Variants in HTN3 observed in about 807,000 individuals in gnomAD.
The protein encoded by HTN3 is histatin 3, also known as histatin-3.
A neutral mutation model predicts 10.6 loss-of-function variants in HTN3; 15 were observed. The observed-to-expected ratio is 1.42, with a 90% confidence interval of 0.95 to 2.18. HTN3 has a LOEUF of 2.18. HTN3 is among the 30% of genes most tolerant of loss of function. The probability of loss-of-function intolerance (pLI) is 0.00; values close to 1 mark genes in which losing one functional copy is unlikely to be tolerated. For synonymous variants in HTN3, 15 were observed against 16.9 expected (o/e 0.89, Z 0.27); for missense variants, 68 against 58.0 (o/e 1.17, Z -0.56).
intron 5 of HTN3, among the ~76,000 whole-genome samples, chr4:70,034,831 A>T (rs1277184993): frequency 5.9e-5 from 9 of 152,246 alleles, no homozygotes; most frequent in Non-Finnish European, 2.9e-5. Context: ...GGATAAAGAA[A>T]ATGTGGTACG....
At chr4:70,035,987 A>G (rs972449322) in intron 5 of HTN3, among the ~76,000 whole-genome samples, 2 of 151,978 alleles carry the variant, frequency 1.3e-5, no homozygotes, top group African/African-American at 2.4e-5. Context: ...TGTGTAGGCT[A>G]TATTTAAGTG....
Position 70,036,393 on chromosome 4 carries a change from T to C in HTN3, c.*160T>C, listed in dbSNP as rs1309159072. The C allele has an allele frequency of 1.3e-5, 2 of 152,184 alleles. No individual in the cohort carries two copies. Among genetic ancestry groups the C allele is most frequent in the Non-Finnish European group, 1.5e-5 (1 of 68,038 alleles). The allele number at this position is 152,184 out of a possible 1,614,324, so 9.4% of individuals were successfully genotyped here. A position where few individuals can be genotyped will look rare whatever the true frequency, so the allele number is the denominator to read the frequency against. ...AAAAGAAATACCATGATTTAGTGAA[T>C]TCTGTGTTTCAGGATACTTCCCTTC... On this transcript the variant is annotated 3_prime_UTR_variant, in exon 6 of 6. Coordinates refer to ENST00000673563, the MANE Select transcript of HTN3 (RefSeq NM_000200.3).
chr4:70,034,402 G>A (rs956538097), intron 5 of HTN3: 4 of 152,174 alleles, frequency 2.6e-5, no homozygotes, highest in African/African-American at 9.7e-5. Context: ...CAAAGGATAT[G>A]AACAGACACT....
At chr4:70,035,579 G>A (rs1306615299) in intron 5 of HTN3, among the ~76,000 whole-genome samples, 2 of 152,172 alleles carry the variant, frequency 1.3e-5, no homozygotes, top group African/African-American at 4.8e-5. Context: ...ACTCTAATGA[G>A]CAATGGCTAT....
intron 4 of HTN3, among the ~76,000 whole-genome samples, chr4:70,032,426 A>G (rs1411706718): frequency 6.6e-6 from 1 of 152,072 alleles, no homozygotes; most frequent in Non-Finnish European, 1.5e-5. Flanking sequence ...TCCTAATTCT[A>G]TGAAGTATAA....
intron 4 of HTN3, among the ~76,000 whole-genome samples, chr4:70,032,632 AG>A (rs1347991392): frequency 2.0e-5 from 3 of 152,096 alleles, no homozygotes; most frequent in African/African-American, 7.2e-5. Context: ...GGGGTTCAAA[AG>A]TTCTGCTTAC....
Position 70,030,772 on chromosome 4 carries a change from C to T in HTN3, c.32C>T (p.Ala11Val), listed in dbSNP as rs1269778400. 5.6e-6 allele frequency: 9 copies of T among 1,612,250 alleles called. No individual in the cohort carries two copies. Among genetic ancestry groups the T allele is most frequent in the Non-Finnish European group, 6.8e-6 (8 of 1,178,598 alleles). The change falls in exon 2 of 6, where the codon GCT (alanine) becomes GTT (valine). Residue 11 changes from alanine (A) to valine (V), a missense_variant. Transcript: ENST00000673563. MKFFVFALIL[A>V]LMLSMTGADS... ...TTTTTTGTTTTTGCTTTAATCTTGGCTCTCATGCTTTCCATGACTGTAAGT... is the reference window on the plus strand; with the variant it reads ...TTTTTTGTTTTTGCTTTAATCTTGGTTCTCATGCTTTCCATGACTGTAAGT...
intron 2 of HTN3, chr4:70,030,995 A>C (rs891672378): frequency 6.0e-5 from 26 of 431,958 alleles, no homozygotes; most frequent in African/African-American, 1.9e-4. Context: ...ACACTCAAGT[A>C]CAATTACTTG....
intron 5 of HTN3, 34 bp downstream of exon 5, chr4:70,033,287 G>A: frequency 1.1e-6 from 1 of 950,226 alleles, no homozygotes; most frequent in Non-Finnish European, 1.6e-6. Flanking sequence ...CTTTCTAGAA[G>A]TATCAACACT....
chr4:70,031,859 A>C, intron 2 of HTN3, 120 bp from the exon 3 acceptor site: 1 of 697,954 alleles, frequency 1.4e-6, no homozygotes, highest in Non-Finnish European at 2.5e-6. Context: ...TTAGCATGTC[A>C]TCATCCAAAG....
intron 5 of HTN3, chr4:70,034,315 A>G (rs191462481): frequency 1.3e-5 from 2 of 152,292 alleles, no homozygotes; most frequent in East Asian, 1.9e-4. Flanking sequence ...CCATCTGACA[A>G]AGGTGTAGTG....
At position 70,032,184 on chromosome 4, in the gene HTN3, G is replaced by A. The variant is rs1725398004; in HGVS notation, c.102+77G>A. Reference sequence around the variant, plus strand: ...ATTTATTCTCCTAGAATAATTGATAGTTATCTCTCAAATATATTTATATCA... The same window carrying A: ...ATTTATTCTCCTAGAATAATTGATAATTATCTCTCAAATATATTTATATCA... On this transcript the variant is annotated intron_variant, in intron 4 of 5. Coordinates refer to ENST00000673563, the MANE Select transcript of HTN3 (RefSeq NM_000200.3). The A allele has an allele frequency of 5.5e-6, 5 of 915,166 alleles. No homozygotes were observed. The South Asian group carries it at 7.5e-5, about 14-fold the overall frequency. The allele number at this position is 915,166 out of a possible 1,614,324, so 56.7% of individuals were successfully genotyped here.
At chr4:70,035,847 A>G (rs1432331792) in intron 5 of HTN3, among the ~76,000 whole-genome samples, 1 of 152,188 alleles carries the variant, frequency 6.6e-6, no homozygotes, top group Non-Finnish European at 1.5e-5. Context: ...CATTTTATTC[A>G]TATTGAATTC....
At chr4:70,028,612 A>C (rs1725298980) in intron 1 of HTN3, 96 bp downstream of exon 1, 1 of 152,156 alleles carries the variant, frequency 6.6e-6, no homozygotes, top group Non-Finnish European at 1.5e-5. Context: ...TATATTATCT[A>C]TGATAATTTC....
At chr4:70,030,607 C>G in intron 1 of HTN3, 121 bp from the exon 2 acceptor site, 1 of 728,934 alleles carries the variant, frequency 1.4e-6, no homozygotes, top group Non-Finnish European at 2.4e-6. Context: ...TGCCCCTGCA[C>G]TCCAGCCTGG....
chr4:70,028,586 C>T (rs1257025773), intron 1 of HTN3, 70 bp downstream of exon 1: 2 of 151,868 alleles, frequency 1.3e-5, no homozygotes, highest in Admixed American at 6.6e-5. Context: ...TCAATAGTAA[C>T]CCACTTATGA....
intron 2 of HTN3, among the ~76,000 whole-genome samples, chr4:70,031,711 C>T (rs1194440782): frequency 6.6e-6 from 1 of 152,010 alleles, no homozygotes; most frequent in Admixed American, 6.5e-5. Context: ...CTCTTATTCA[C>T]CAATGATAGA....
chr4:70,032,160 T>A, intron 4 of HTN3, 53 bp downstream of exon 4: 2 of 1,112,096 alleles, frequency 1.8e-6, no homozygotes, highest in Non-Finnish European at 2.7e-6. Flanking sequence ...TCTCTGACTA[T>A]TTATTCTCCT....
At position 70,033,820 on chromosome 4, in the gene HTN3, C is replaced by T. The variant is rs528451184; in HGVS notation, c.*33+567C>T. 2.6e-5 allele frequency: 4 copies of T among 152,142 alleles called. No individual in the cohort carries two copies. In the South Asian group the frequency reaches 8.3e-4, roughly 32 times the overall value. The allele number at this position is 152,142 out of a possible 1,614,324, so 9.4% of individuals were successfully genotyped here. The stretch of plus-strand genomic sequence containing the variant: ...ATTTTTGGTTCTCCTTGAAGAGGTC[C>T]TTCACATCCTTTGTTAGTTGTATTT... On this transcript the variant is annotated intron_variant, in intron 5 of 5. Transcript: ENST00000673563.
Sources: gnomAD v4.1 joint callset for allele counts (sites outside exome capture counted in the v4.1 genomes callset) on GRCh38, gnomAD v4.1.1 for gene constraint, MANE v1.5 for transcripts, NCBI Gene and HGNC (gene_info 2026-07-23, HGNC 2026-07-21) for gene names.